Variants in DOCK3 observed in about 807,000 individuals in gnomAD.
DOCK3 encodes dedicator of cytokinesis 3, also known as dedicator of cytokinesis protein 3.
Under a neutral mutation model 265.6 loss-of-function variants are expected in DOCK3, and 60 were observed. The ratio of observed to expected loss-of-function variants is 0.23; its 90% confidence interval spans 0.18 to 0.28. DOCK3 has a LOEUF of 0.28. Among genes scored for constraint, DOCK3 ranks in the 10% least tolerant of loss-of-function variants. The probability of loss-of-function intolerance (pLI) is 1.00; values close to 1 mark genes in which losing one functional copy is unlikely to be tolerated. For missense variants in DOCK3, 1,981 were observed against 2,594.3 expected, an observed-to-expected ratio of 0.76 and a Z score of 5.14; for synonymous variants, 881 against 938.0, an observed-to-expected ratio of 0.94 and a Z score of 1.11.
At chr3:51,319,762 G>A (rs1447701954) in intron 32 of DOCK3, among the ~76,000 whole-genome samples, 5 of 152,004 alleles carry the variant, frequency 3.3e-5, no homozygotes, top group Non-Finnish European at 7.4e-5. Flanking sequence ...CTACTCAAGA[G>A]GCTGAGGCAG....
chr3:51,188,904 G>C (rs778244345), intron 12 of DOCK3, among the ~76,000 whole-genome samples: 1 of 152,114 alleles, frequency 6.6e-6, no homozygotes, highest in Non-Finnish European at 1.5e-5. Context: ...CAATAAACAT[G>C]TGAGTTCAGA....
intron 2 of DOCK3, among the ~76,000 whole-genome samples, chr3:50,795,574 G>A (rs1403390436): frequency 6.6e-6 from 1 of 152,100 alleles, no homozygotes; most frequent in East Asian, 1.9e-4. Flanking sequence ...TAGAGATGGG[G>A]TTTCACCATG....
At chr3:51,090,490 ATAAAG>A in intron 9 of DOCK3, 106 bp downstream of exon 9, 1 of 1,210,898 alleles carries the variant, frequency 8.3e-7, no homozygotes, top group Non-Finnish European at 1.1e-6. Flanking sequence ...GCAAAACAAG[ATAAAG>A]TAACCTCATC....
intron 5 of DOCK3, among the ~76,000 whole-genome samples, chr3:50,938,515 G>A (rs1168645482): frequency 6.6e-6 from 1 of 152,012 alleles, no homozygotes; most frequent in East Asian, 1.9e-4. Flanking sequence ...CAATATCTTA[G>A]TTCATAGAAC....
In DOCK3 at chr3:51,256,593, GT is replaced by G. The variant is rs74193219; in HGVS notation, c.2185-3545del. 5.3e-3 allele frequency among the ~76,000 whole-genome samples: 667 copies of G among 126,812 alleles called. 3 individuals are homozygous for G. The highest frequency in any genetic ancestry group is 0.011 in the African/African-American group (381 of 34,812). 83.2% of individuals were successfully genotyped at this position (126,812 alleles called of 152,430 possible). The stretch of plus-strand genomic sequence containing the variant: ...GCGAAGAGCTTGAGTTTTCGTTTTT[GT>G]TTTTTTTTTTTTTTTTTAGATGGAG... On this transcript the variant is annotated intron_variant, in intron 22 of 52. Coordinates refer to ENST00000266037, the MANE Select transcript of DOCK3 (RefSeq NM_004947.5).
rs1194977079 is a variant in DOCK3, at chr3:51,383,755, T to G, written c.*2196T>G. 2 of 152,642 alleles carry G rather than the reference T, an allele frequency of 1.3e-5. No homozygotes were observed. The highest frequency in any genetic ancestry group is 2.9e-5 in the Non-Finnish European group (2 of 68,050). 9.5% of individuals were successfully genotyped at this position (152,642 alleles called of 1,614,324 possible). A position where few individuals can be genotyped will look rare whatever the true frequency, so the allele number is the denominator to read the frequency against. ...AGAGATGAGAACCCTTTGAAAAGATTGTAAAATACTGATTTTCATTCTTTC... is the reference window on the plus strand; with the variant it reads ...AGAGATGAGAACCCTTTGAAAAGATGGTAAAATACTGATTTTCATTCTTTC... On this transcript the variant is annotated 3_prime_UTR_variant, in exon 53 of 53. Transcript: ENST00000266037.
At chr3:51,246,645 G>T in intron 21 of DOCK3, 81 bp from the exon 22 acceptor site, 3 of 1,263,038 alleles carry the variant, frequency 2.4e-6, no homozygotes, top group Non-Finnish European at 3.4e-6. Context: ...TTTCCTATTT[G>T]CCTAATTCAG....
intron 3 of DOCK3, among the ~76,000 whole-genome samples, chr3:50,842,732 G>C (rs1407331418): frequency 1.3e-5 from 2 of 152,082 alleles, no homozygotes; most frequent in Admixed American, 6.5e-5. Context: ...GAGAACCACT[G>C]CTTATAGGTA....
At chr3:50,851,080 C>T (rs891518911) in intron 3 of DOCK3, among the ~76,000 whole-genome samples, 2 of 152,150 alleles carry the variant, frequency 1.3e-5, no homozygotes, top group Non-Finnish European at 2.9e-5. Flanking sequence ...CAGTGGGTGG[C>T]CACCAAGCAC....
At chr3:50,801,136 A>G (rs750820309) in intron 2 of DOCK3, among the ~76,000 whole-genome samples, 2 of 152,096 alleles carry the variant, frequency 1.3e-5, no homozygotes, top group Non-Finnish European at 2.9e-5. Context: ...ATTTACTTCT[A>G]TAGAAGGGTG....
intron 3 of DOCK3, among the ~76,000 whole-genome samples, chr3:50,873,020 C>T (rs2047508052): frequency 6.6e-6 from 1 of 152,200 alleles, no homozygotes; most frequent in African/African-American, 2.4e-5. Context: ...CTGCTTTGTT[C>T]TGTACCCACC....
intron 9 of DOCK3, among the ~76,000 whole-genome samples, chr3:51,095,553 T>G (rs999279645): frequency 2.6e-5 from 4 of 152,218 alleles, no homozygotes; most frequent in African/African-American, 9.6e-5. Flanking sequence ...ATCTCCCAGT[T>G]TCTTAATACC....
chr3:50,902,800 A>G (rs2049269287), intron 4 of DOCK3, among the ~76,000 whole-genome samples: 1 of 152,146 alleles, frequency 6.6e-6, no homozygotes, highest in Non-Finnish European at 1.5e-5. Flanking sequence ...GATTCTTCCT[A>G]TCCATGAGCG....
intron 1 of DOCK3, among the ~76,000 whole-genome samples, chr3:50,721,811 T>A (rs965479075): frequency 6.6e-6 from 1 of 152,228 alleles, no homozygotes. Context: ...AATATTGGTT[T>A]CTTCATGAGC....
chr3:51,054,747 G>A (rs1372336673), intron 5 of DOCK3, among the ~76,000 whole-genome samples: 2 of 151,990 alleles, frequency 1.3e-5, no homozygotes, highest in African/African-American at 4.8e-5. Flanking sequence ...ATTAAATTAC[G>A]ACTAGCCTGC....
At chr3:50,874,062 TTTTG>T (rs2107604099) in intron 3 of DOCK3, among the ~76,000 whole-genome samples, 2 of 136,020 alleles carry the variant, frequency 1.5e-5, no homozygotes, top group African/African-American at 5.8e-5. Flanking sequence ...TTTTCTTTTC[TTTTG>T]TTTTTTTTTT....
At chr3:51,136,079 C>T (rs2084780467) in intron 9 of DOCK3, among the ~76,000 whole-genome samples, 1 of 152,134 alleles carries the variant, frequency 6.6e-6, no homozygotes, top group Non-Finnish European at 1.5e-5. Context: ...AGAAAGTCTG[C>T]ACTTTGCACT....
intron 9 of DOCK3, among the ~76,000 whole-genome samples, chr3:51,134,280 C>T (rs1218689455): frequency 6.6e-6 from 1 of 152,070 alleles, no homozygotes; most frequent in Non-Finnish European, 1.5e-5. Context: ...ATTTATATTC[C>T]TTTGGGTATA....
At chr3:51,299,617 C>G (rs1414815659) in intron 27 of DOCK3, among the ~76,000 whole-genome samples, 2 of 152,104 alleles carry the variant, frequency 1.3e-5, no homozygotes, top group Non-Finnish European at 2.9e-5. Flanking sequence ...AGGTGTCCAG[C>G]TTCAATTTTC....
Sources: allele counts gnomAD v4.1 joint callset (sites outside exome capture counted in the v4.1 genomes callset), GRCh38; gene constraint gnomAD v4.1.1; transcripts MANE v1.5; gene names NCBI Gene and HGNC (gene_info 2026-07-23, HGNC 2026-07-21).